The following AUTS2 variants were observed in gnomAD, a reference collection of about 807,000 sequenced individuals.
AUTS2 encodes the protein activator of transcription and developmental regulator AUTS2, also known as autism susceptibility gene 2 protein.
A neutral mutation model predicts 112.4 loss-of-function variants in AUTS2; 17 were observed. That is an observed-to-expected ratio of 0.15 (90% CI 0.10 to 0.23). AUTS2 has a LOEUF of 0.23. Ranked by LOEUF, AUTS2 falls within the 10% of genes least tolerant of loss-of-function variation. AUTS2 has a pLI of 1.00. For synonymous variants in AUTS2, 751 were observed against 702.7 expected (o/e 1.07, Z -1.09); for missense variants, 1,510 against 1,701.6 (o/e 0.89, Z 1.98).
intron 5 of AUTS2, among the ~76,000 whole-genome samples, chr7:70,679,503 G>A (rs989322630): frequency 6.6e-6 from 1 of 151,746 alleles, no homozygotes; most frequent in Non-Finnish European, 1.5e-5. Flanking sequence ...CTGATATTGT[G>A]TGCTTGAATC....
At chr7:70,511,106 C>T (rs922442525) in intron 5 of AUTS2, among the ~76,000 whole-genome samples, 2 of 152,148 alleles carry the variant, frequency 1.3e-5, no homozygotes, top group Non-Finnish European at 1.5e-5. Flanking sequence ...GCCTCAGCCT[C>T]CCAAAGTGCT....
intron 4 of AUTS2, among the ~76,000 whole-genome samples, chr7:70,317,605 G>A (rs868522246): frequency 3.3e-5 from 5 of 152,184 alleles, no homozygotes; most frequent in African/African-American, 1.2e-4. Flanking sequence ...ACTCAGGCAG[G>A]GGTTCTAGTA....
chr7:70,173,412 A>G (rs1331861620), intron 4 of AUTS2, among the ~76,000 whole-genome samples: 1 of 151,966 alleles, frequency 6.6e-6, no homozygotes, highest in African/African-American at 2.4e-5. Context: ...AAGGCATTCT[A>G]TCTCAGTCTC....
chr7:70,107,427 T>C (rs1407643059), intron 2 of AUTS2, among the ~76,000 whole-genome samples: 2 of 137,422 alleles, frequency 1.5e-5, no homozygotes, highest in African/African-American at 2.7e-5. Context: ...CACTGCAACC[T>C]CCGTCTCCCA....
At chr7:70,764,173 A>G (rs1789755135) in intron 7 of AUTS2, among the ~76,000 whole-genome samples, 1 of 152,100 alleles carries the variant, frequency 6.6e-6, no homozygotes, top group South Asian at 2.1e-4. Context: ...AAGAGGGGAA[A>G]GCACAGTCTT....
At chr7:69,995,627 G>A (rs1798914046) in intron 2 of AUTS2, among the ~76,000 whole-genome samples, 1 of 152,078 alleles carries the variant, frequency 6.6e-6, no homozygotes, top group Non-Finnish European at 1.5e-5. Flanking sequence ...GATTCTCCAG[G>A]GACAAGGCCT....
At chr7:70,605,459 C>T (rs994779144) in intron 5 of AUTS2, among the ~76,000 whole-genome samples, 1 of 151,790 alleles carries the variant, frequency 6.6e-6, no homozygotes, top group African/African-American at 2.4e-5. Flanking sequence ...CGTTTACTAC[C>T]AGGTACTCCT....
At chr7:70,722,625 G>A (rs1237568501) in intron 6 of AUTS2, among the ~76,000 whole-genome samples, 1 of 152,204 alleles carries the variant, frequency 6.6e-6, no homozygotes, top group Non-Finnish European at 1.5e-5. Flanking sequence ...CAAGCTGACA[G>A]GTTAATCAAT....
At chr7:70,700,078 C>T (rs1057092237) in intron 6 of AUTS2, among the ~76,000 whole-genome samples, 3 of 152,212 alleles carry the variant, frequency 2.0e-5, no homozygotes, top group African/African-American at 7.2e-5. Flanking sequence ...GCACTCTGGC[C>T]GCCACTGCCC....
rs562011149 is a variant in AUTS2 at position 70,493,702 on chromosome 7, G to T, written c.690+57921G>T. ...GATGTGAATTCTAATATAGGAATTA[G>T]AATTCCTATATTAAAAATTGTATTA... On this transcript the variant is annotated intron_variant, in intron 5 of 18. Transcript: ENST00000342771. Among the ~76,000 whole-genome samples, 23 of 152,170 alleles carry T rather than the reference G, an allele frequency of 1.5e-4. No individual in the cohort carries two copies. In the South Asian group the frequency reaches 4.6e-3, roughly 30 times the overall value.
chr7:70,597,593 G>T (rs1478742794), intron 5 of AUTS2, among the ~76,000 whole-genome samples: 1 of 152,210 alleles, frequency 6.6e-6, no homozygotes, highest in Admixed American at 6.5e-5. Flanking sequence ...TTCCTCTTTG[G>T]TGGTGTATTG....
chr7:69,616,392 A>G (rs923580308), intron 1 of AUTS2, among the ~76,000 whole-genome samples: 1 of 152,140 alleles, frequency 6.6e-6, no homozygotes, highest in Non-Finnish European at 1.5e-5. Flanking sequence ...TTCCCCTCTT[A>G]GAAGCAATGG....
chr7:70,605,580 T>C (rs1803711506), intron 5 of AUTS2, among the ~76,000 whole-genome samples: 1 of 148,796 alleles, frequency 6.7e-6, no homozygotes, highest in African/African-American at 2.5e-5. Flanking sequence ...CTTTTCTTTC[T>C]CTTGTGTAAA....
chr7:70,606,900 C>T (rs918337885), intron 5 of AUTS2, among the ~76,000 whole-genome samples: 3 of 151,108 alleles, frequency 2.0e-5, no homozygotes, highest in Non-Finnish European at 2.9e-5. Context: ...TGGAGGACTT[C>T]TCATACACGT....
At chr7:70,693,003 A>T (rs2129546613) in intron 5 of AUTS2, among the ~76,000 whole-genome samples, 1 of 152,064 alleles carries the variant, frequency 6.6e-6, no homozygotes, top group Middle Eastern at 3.4e-3. Flanking sequence ...CTCTCACCCC[A>T]CCTTGGTGTG....
At chr7:70,300,068 T>A (rs1175266738) in intron 4 of AUTS2, among the ~76,000 whole-genome samples, 1 of 152,150 alleles carries the variant, frequency 6.6e-6, no homozygotes, top group African/African-American at 2.4e-5. Flanking sequence ...GCATCATGCG[T>A]GTGTATATGT....
In AUTS2 at chr7:70,792,630, T is replaced by TA. The variant is rs1368121356; in HGVS notation, c.*1636dup. The TA allele has an allele frequency of 9.4e-6, 1 of 106,866 alleles. No homozygotes were observed. The allele number at this position is 106,866 out of a possible 1,614,324, so 6.6% of individuals were successfully genotyped here. ...GTTGTGCGGTGTTTTTTTTTTTTTT[T>TA]AAGACAACAACTAAAAAAAATGCAA... On this transcript the variant is annotated 3_prime_UTR_variant, in exon 19 of 19. Transcript: ENST00000342771.
chr7:70,721,440 A>G (rs932662430), intron 6 of AUTS2, among the ~76,000 whole-genome samples: 2 of 152,068 alleles, frequency 1.3e-5, no homozygotes, highest in Admixed American at 1.3e-4. Flanking sequence ...CTGGGATTAC[A>G]GGCACCTGCC....
At chr7:70,520,524 G>A (rs1799599477) in intron 5 of AUTS2, among the ~76,000 whole-genome samples, 1 of 152,136 alleles carries the variant, frequency 6.6e-6, no homozygotes, top group Non-Finnish European at 1.5e-5. Flanking sequence ...CCCACCTTTA[G>A]ATATCACGTG....
Sources: gnomAD v4.1 joint callset for allele counts (sites outside exome capture counted in the v4.1 genomes callset) on GRCh38, gnomAD v4.1.1 for gene constraint, MANE v1.5 for transcripts, NCBI Gene and HGNC (gene_info 2026-07-23, HGNC 2026-07-21) for gene names.